PLCB1: variants seen among roughly 807,000 people sequenced by gnomAD.
The protein encoded by PLCB1 is phospholipase C beta 1.
PLCB1 carries 46 observed loss-of-function variants against 161.8 expected under a neutral mutation model. The observed-to-expected ratio is 0.28, with a 90% CI of 0.22 to 0.36. PLCB1 has a LOEUF of 0.36. Among genes scored for constraint, PLCB1 ranks in the 10% least tolerant of loss-of-function variants. The pLI, the probability that PLCB1 is intolerant of heterozygous loss-of-function variation, is 1.00. For synonymous variants in PLCB1, 517 were observed against 503.7 expected (o/e 1.03, Z -0.35); for missense variants, 1,016 against 1,472.5 (o/e 0.69, Z 5.07).
intron 4 of PLCB1, among the ~76,000 whole-genome samples, chr20:8,630,447 C>T (rs539362787): frequency 1.2e-3 from 190 of 152,314 alleles, no homozygotes; most frequent in South Asian, 2.5e-3. Context: ...AGAAACTACT[C>T]TTTCCAAGTA....
intron 2 of PLCB1, among the ~76,000 whole-genome samples, chr20:8,357,547 G>A (rs1986398380): frequency 6.6e-6 from 1 of 152,052 alleles, no homozygotes; most frequent in Admixed American, 6.5e-5. Context: ...TGGGTGTGGT[G>A]GCTTACACCT....
chr20:8,719,418 A>C (rs954720234), intron 14 of PLCB1, among the ~76,000 whole-genome samples: 1 of 152,214 alleles, frequency 6.6e-6, no homozygotes, highest in Non-Finnish European at 1.5e-5. Flanking sequence ...ATACTCGTCA[A>C]CAGATAAATG....
chr20:8,525,006 T>C (rs1370253549), intron 3 of PLCB1, among the ~76,000 whole-genome samples: 1 of 152,180 alleles, frequency 6.6e-6, no homozygotes, highest in East Asian at 1.9e-4. Flanking sequence ...AGGTTAATTG[T>C]TCAACCACCT....
intron 3 of PLCB1, among the ~76,000 whole-genome samples, chr20:8,450,690 G>A (rs757324078): frequency 1.3e-5 from 2 of 152,108 alleles, no homozygotes; most frequent in Non-Finnish European, 2.9e-5. Context: ...TCTGTACTTA[G>A]CGAGGCATCT....
intron 3 of PLCB1, among the ~76,000 whole-genome samples, chr20:8,401,355 TCC>T (rs1978542005): frequency 1.3e-5 from 2 of 152,214 alleles, no homozygotes; most frequent in Non-Finnish European, 2.9e-5. Context: ...AATTTATTAG[TCC>T]CTTTTTAAAA....
At chr20:8,288,751 G>A (rs1983245597) in intron 2 of PLCB1, among the ~76,000 whole-genome samples, 1 of 152,162 alleles carries the variant, frequency 6.6e-6, no homozygotes, top group Admixed American at 6.6e-5. Context: ...GAACCTGAGT[G>A]GGGCACGGAA....
chr20:8,680,418 T>G (rs574546266), intron 9 of PLCB1, among the ~76,000 whole-genome samples: 1 of 152,332 alleles, frequency 6.6e-6, no homozygotes, highest in African/African-American at 2.4e-5. Context: ...CCTACAAGAT[T>G]ACAAACTGAC....
intron 2 of PLCB1, among the ~76,000 whole-genome samples, chr20:8,185,466 T>C (rs1341944282): frequency 6.6e-6 from 1 of 151,992 alleles, no homozygotes; most frequent in Non-Finnish European, 1.5e-5. Context: ...GAGATCTCTG[T>C]ATTGATTTAG....
intron 3 of PLCB1, among the ~76,000 whole-genome samples, chr20:8,450,135 A>G (rs1981006546): frequency 6.6e-6 from 1 of 152,078 alleles, no homozygotes; most frequent in Non-Finnish European, 1.5e-5. Context: ...TTTCAAGATC[A>G]TTTTTCCTAG....
chr20:8,245,198 T>G (rs986176838), intron 2 of PLCB1, among the ~76,000 whole-genome samples: 3 of 151,862 alleles, frequency 2.0e-5, no homozygotes, highest in Non-Finnish European at 4.4e-5. Flanking sequence ...TCCCTGTTTC[T>G]TCTACCTCTT....
intron 2 of PLCB1, among the ~76,000 whole-genome samples, chr20:8,343,030 C>A (rs1257038387): frequency 6.6e-6 from 1 of 152,172 alleles, no homozygotes; most frequent in Non-Finnish European, 1.5e-5. Context: ...GTTCACTAAT[C>A]GCCCAAAACA....
chr20:8,770,339 A>G (rs1982611688), intron 26 of PLCB1, among the ~76,000 whole-genome samples: 1 of 152,242 alleles, frequency 6.6e-6, no homozygotes, highest in Non-Finnish European at 1.5e-5. Flanking sequence ...TGAAAGCTAA[A>G]GGTATTACCA....
rs145208035 is a variant in PLCB1 at position 8,463,289 on chromosome 20, G to A, written c.246+91839G>A. Among the ~76,000 whole-genome samples, 33 of 151,848 alleles carry A rather than the reference G, an allele frequency of 2.2e-4. No homozygotes were observed. In the East Asian group the frequency reaches 5.8e-3, roughly 27 times the overall value. On this transcript the variant is annotated intron_variant, in intron 3 of 31. Transcript: ENST00000338037. Reference sequence around the variant, plus strand: ...TCAAAGAATAATAATAAAATAAGCAGCTTTCCCTACCTTAGAGACCTTCTG... The same window carrying A: ...TCAAAGAATAATAATAAAATAAGCAACTTTCCCTACCTTAGAGACCTTCTG...
chr20:8,584,029 G>A (rs372204570), intron 3 of PLCB1, among the ~76,000 whole-genome samples: 2 of 152,044 alleles, frequency 1.3e-5, no homozygotes, highest in African/African-American at 4.8e-5. Context: ...GAAATGAAAC[G>A]GAGCACTCTA....
intron 2 of PLCB1, among the ~76,000 whole-genome samples, chr20:8,336,432 G>A (rs6039142): frequency 0.06 from 9,104 of 152,198 alleles, 732 homozygotes; most frequent in African/African-American, 0.18. Context: ...TTCTCAGTGG[G>A]ATAGTATTAC....
chr20:8,566,030 C>A (rs1271862591), intron 3 of PLCB1, among the ~76,000 whole-genome samples: 1 of 152,030 alleles, frequency 6.6e-6, no homozygotes, highest in Non-Finnish European at 1.5e-5. Context: ...ATCAACAGTT[C>A]AAAAGTTTCA....
At chr20:8,185,865 T>C (rs2051898542) in intron 2 of PLCB1, among the ~76,000 whole-genome samples, 2 of 152,138 alleles carry the variant, frequency 1.3e-5, no homozygotes, top group Non-Finnish European at 2.9e-5. Flanking sequence ...TCTAGTTAAT[T>C]TTAAAGGAAA....
chr20:8,555,783 C>A (rs945402815), intron 3 of PLCB1, among the ~76,000 whole-genome samples: 1 of 152,062 alleles, frequency 6.6e-6, no homozygotes, highest in African/African-American at 2.4e-5. Flanking sequence ...CTGAAAATTG[C>A]TTGACTTGGA....
intron 27 of PLCB1, 102 bp downstream of exon 27, chr20:8,774,821 C>A: frequency 1.2e-6 from 1 of 825,380 alleles, no homozygotes; most frequent in South Asian, 2.1e-5. Context: ...GTGGGTGTGA[C>A]TGGCACCAAC....
Sources: gnomAD v4.1 joint callset for allele counts (sites outside exome capture counted in the v4.1 genomes callset) on GRCh38, gnomAD v4.1.1 for gene constraint, MANE v1.5 for transcripts, NCBI Gene and HGNC (gene_info 2026-07-23, HGNC 2026-07-21) for gene names.